Variants in CNR1 observed in about 807,000 individuals in gnomAD.
The protein encoded by CNR1 is cannabinoid receptor 1.
CNR1 carries 10 observed loss-of-function variants against 23.0 expected under a neutral mutation model. The observed-to-expected ratio is 0.43, with a 90% CI of 0.27 to 0.74. The LOEUF (loss-of-function observed/expected upper bound fraction) is 0.74, where lower values mean the gene tolerates loss of function less well. Ranked by LOEUF, CNR1 falls within the 30% of genes least tolerant of loss-of-function variation. The pLI is 0.19. For synonymous variants in CNR1, 271 were observed against 255.2 expected, an observed-to-expected ratio of 1.06 and a Z score of -0.59; for missense variants, 422 against 618.8, an observed-to-expected ratio of 0.68 and a Z score of 3.37.
Position 88,144,302 on chromosome 6 carries a change from C to T in CNR1, c.973G>A (p.Gly325Arg). Residue 325 changes from glycine (G) to arginine (R), a missense_variant, in exon 2 of 2, where the codon GGG (glycine) becomes AGG (arginine). Gly to Arg is a moderately radical substitution (Grantham distance 125). Coordinates refer to ENST00000369501, the MANE Select transcript of CNR1 (RefSeq NM_016083.6). The surrounding 1 kb of genome is among the most constrained non-coding windows in gnomAD (Gnocchi z 7.8). ...KSIIIHTSED[G>R]KVQVTRPDQA... ...TCTGGCCGGGTCACCTGTACCTTCC[C>T]ATCCTCAGACGTGTGGATGATGATG... 1 of 1,612,418 alleles carries T rather than the reference C, an allele frequency of 6.2e-7. No homozygotes were observed. Among genetic ancestry groups the T allele is most frequent in the Non-Finnish European group, 8.5e-7 (1 of 1,179,998 alleles).
intron 1 of CNR1, among the ~76,000 whole-genome samples, chr6:88,160,394 G>T (rs899845437): frequency 6.6e-6 from 1 of 150,432 alleles, no homozygotes; most frequent in African/African-American, 2.4e-5. Context: ...CATATAAGTA[G>T]AAATTTATTT....
intron 1 of CNR1, among the ~76,000 whole-genome samples, chr6:88,165,349 T>A (rs1156418374): frequency 6.6e-6 from 1 of 152,250 alleles, no homozygotes; most frequent in Non-Finnish European, 1.5e-5. Flanking sequence ...CAAAGAGAAG[T>A]GGTTCCTGTA....
At chr6:88,149,018 A>G (rs184931230) in intron 1 of CNR1, among the ~76,000 whole-genome samples, 77 of 152,264 alleles carry the variant, frequency 5.1e-4, no homozygotes, top group African/African-American at 1.8e-3. Context: ...TGCAACTGTC[A>G]TAGAATAAAG....
At position 88,139,869 on chromosome 6, in the gene CNR1, T is replaced by C. The variant is rs1312300040; in HGVS notation, c.*3987A>G. On this transcript the variant is annotated 3_prime_UTR_variant, in exon 2 of 2. Coordinates refer to ENST00000369501, the MANE Select transcript of CNR1 (RefSeq NM_016083.6). ...TAAGGCAGAGTTCAAAGGCATTTTA[T>C]GTTCTTCATGGTAATCTAGAATTTT... is the stretch of plus-strand genomic sequence containing the variant. 2 of 152,364 alleles carry C rather than the reference T, an allele frequency of 1.3e-5. No individual in the cohort carries two copies. The highest frequency in any genetic ancestry group is 4.8e-5 in the African/African-American group (2 of 41,470). 9.4% of individuals were successfully genotyped at this position (152,364 alleles called of 1,614,324 possible). A position where few individuals can be genotyped will look rare whatever the true frequency, so the allele number is the denominator to read the frequency against.
At chr6:88,162,673 C>A (rs539871724) in intron 1 of CNR1, among the ~76,000 whole-genome samples, 1 of 152,324 alleles carries the variant, frequency 6.6e-6, no homozygotes, top group African/African-American at 2.4e-5. Flanking sequence ...ATTTTGGCAA[C>A]ACAAAGTATA....
In CNR1 at chr6:88,140,193, G is replaced by A. The variant is rs79629362; in HGVS notation, c.*3663C>T. On this transcript the variant is annotated 3_prime_UTR_variant, in exon 2 of 2. Coordinates refer to ENST00000369501, the MANE Select transcript of CNR1 (RefSeq NM_016083.6). ...ATACAATATTCTTCTAAGAGGAAAAGTAATAATGTTAGATTTACAGACAAT... is the reference window on the plus strand; with the variant it reads ...ATACAATATTCTTCTAAGAGGAAAAATAATAATGTTAGATTTACAGACAAT... 1 of 152,730 alleles carries A rather than the reference G, an allele frequency of 6.5e-6. No individual in the cohort carries two copies. Among genetic ancestry groups the A allele is most frequent in the East Asian group, 1.9e-4 (1 of 5,342 alleles). 9.5% of individuals were successfully genotyped at this position (152,730 alleles called of 1,614,324 possible). A position where few individuals can be genotyped will look rare whatever the true frequency, so the allele number is the denominator to read the frequency against.
At position 88,165,987 on chromosome 6, in the gene CNR1, G is replaced by A. The variant is rs1053100813; in HGVS notation, c.-248C>T. The A allele has an allele frequency of 6.5e-6, 1 of 153,068 alleles. No individual in the cohort carries two copies. The highest frequency in any genetic ancestry group is 1.9e-4 in the East Asian group (1 of 5,268). The allele number at this position is 153,068 out of a possible 1,614,324, so 9.5% of individuals were successfully genotyped here. A position where few individuals can be genotyped will look rare whatever the true frequency, so the allele number is the denominator to read the frequency against. ...CGGGAGACAAGAAGAGGCGGAGGCGGAAAAGAAGTGGAGAAGGAAGGGGTG... is the reference window on the plus strand; with the variant it reads ...CGGGAGACAAGAAGAGGCGGAGGCGAAAAAGAAGTGGAGAAGGAAGGGGTG... On this transcript the variant is annotated 5_prime_UTR_variant, in exon 1 of 2. Transcript: ENST00000369501.
chr6:88,144,607 G>A lies in CNR1; in HGVS notation c.668C>T (p.Ala223Val). The A allele has an allele frequency of 6.2e-7, 1 of 1,614,236 alleles. No individual in the cohort carries two copies. Among genetic ancestry groups the A allele is most frequent in the Non-Finnish European group, 8.5e-7 (1 of 1,180,052 alleles). Residue 223 changes from alanine (A) to valine (V), a missense_variant, in exon 2 of 2, where the codon GCC becomes GTC. Transcript: ENST00000369501. The surrounding 1 kb of genome is among the most constrained non-coding windows in gnomAD (Gnocchi z 7.8). ...DRYISIHRPLAYKRIVTRPKA... is the reference protein window; with the variant it reads ...DRYISIHRPLVYKRIVTRPKA... ...GGGCCTGGTGACAATCCTCTTATAG[G>A]CCAGGGGCCTGTGAATGGATATGTA...
At position 88,166,323 on chromosome 6, in the gene CNR1, C is replaced by G. The variant is rs988698134; in HGVS notation, c.-584G>C. Reference sequence around the variant, plus strand: ...CTCGTCCCGCTCGCGCAGTCCCTGCCGCTCCCTCCGCTCGCGCTGTCTCTG... The same window carrying G: ...CTCGTCCCGCTCGCGCAGTCCCTGCGGCTCCCTCCGCTCGCGCTGTCTCTG... On this transcript the variant is annotated 5_prime_UTR_variant, in exon 1 of 2. Coordinates refer to ENST00000369501, the MANE Select transcript of CNR1 (RefSeq NM_016083.6). 2 of 152,356 alleles carry G rather than the reference C, an allele frequency of 1.3e-5. No individual in the cohort carries two copies. The highest frequency in any genetic ancestry group is 2.4e-5 in the African/African-American group (1 of 41,438). The allele number at this position is 152,356 out of a possible 1,614,324, so 9.4% of individuals were successfully genotyped here.
chr6:88,159,580 T>C (rs1199807907), intron 1 of CNR1, among the ~76,000 whole-genome samples: 1 of 152,226 alleles, frequency 6.6e-6, no homozygotes, highest in Non-Finnish European at 1.5e-5. Flanking sequence ...AATTCAAAGA[T>C]TTCTCCTTTT....
Position 88,145,229 on chromosome 6 carries a change from T to C in CNR1, c.46A>G (p.Ile16Val). ...DGLADTTFRTITTDLLYVGSN... is the reference protein window; with the variant it reads ...DGLADTTFRTVTTDLLYVGSN... ...CCCACGTACAGGAGGTCAGTGGTGA[T>C]GGTGCGGAAGGTGGTATCTGCAAGG... The change falls in exon 2 of 2, where the codon ATC (isoleucine) becomes GTC (valine). Residue 16 changes from isoleucine to valine, a missense_variant. Physicochemically the swap from Ile to Val is conservative, Grantham distance 29. Around this residue, in one of 4 missense-constraint regions of CNR1, gnomAD observed 120 missense variants for 117.6 expected, o/e 1.02. Transcript: ENST00000369501. 1.9e-6 allele frequency: 3 copies of C among 1,614,094 alleles called. No individual in the cohort carries two copies. Among genetic ancestry groups the C allele is most frequent in the Non-Finnish European group, 2.5e-6 (3 of 1,179,986 alleles).
intron 1 of CNR1, among the ~76,000 whole-genome samples, chr6:88,148,349 C>G (rs1777321460): frequency 6.6e-6 from 1 of 152,214 alleles, no homozygotes; most frequent in Non-Finnish European, 1.5e-5. Flanking sequence ...TCCACTACTT[C>G]CTCCCACCCA....
upstream of CNR1, chr6:88,166,465 G>A (rs892253572): frequency 2.6e-5 from 4 of 152,574 alleles, no homozygotes; most frequent in African/African-American, 7.2e-5. Context: ...TGCGCGGGGA[G>A]GGACCTGAGC....
intron 1 of CNR1, among the ~76,000 whole-genome samples, chr6:88,165,539 A>G (rs1778325210): frequency 6.6e-6 from 1 of 152,210 alleles, no homozygotes; most frequent in South Asian, 2.1e-4. Context: ...AAACATGCAC[A>G]ATTACCCATT....
At chr6:88,152,450 CTTACT>C (rs1490028289) in intron 1 of CNR1, among the ~76,000 whole-genome samples, 1 of 152,140 alleles carries the variant, frequency 6.6e-6, no homozygotes, top group East Asian at 1.9e-4. Context: ...GTTTCTGTGA[CTTACT>C]TTAGATTAAG....
At chr6:88,161,729 T>C (rs150190713) in intron 1 of CNR1, among the ~76,000 whole-genome samples, 1,634 of 152,318 alleles carry the variant, frequency 0.011, 45 homozygotes, top group African/African-American at 0.037. Flanking sequence ...AAGTTTGAGA[T>C]GGAAGTTGCT....
At chr6:88,156,852 G>A (rs1414351319) in intron 1 of CNR1, among the ~76,000 whole-genome samples, 2 of 152,186 alleles carry the variant, frequency 1.3e-5, no homozygotes, top group Non-Finnish European at 2.9e-5. Context: ...CTGATCATGA[G>A]GGCATTAAAC....
At chr6:88,161,124 T>C (rs140411687) in intron 1 of CNR1, among the ~76,000 whole-genome samples, 27 of 152,274 alleles carry the variant, frequency 1.8e-4, no homozygotes, top group Non-Finnish European at 3.1e-4. Context: ...AATAGCACAA[T>C]GGGTTAAAAA....
At position 88,160,409 on chromosome 6, in the gene CNR1, C is replaced by G. The variant is rs186688114; in HGVS notation, c.-64+5394G>C. The stretch of plus-strand genomic sequence containing the variant: ...CATATAAGTAGAAATTTATTTAAAA[C>G]AAACTTAAAAAATTTTTTTTCTTTT... On this transcript the variant is annotated intron_variant, in intron 1 of 1. Transcript: ENST00000369501. Among the ~76,000 whole-genome samples the G allele has an allele frequency of 4.6e-3, 696 of 150,478 alleles. 3 individuals are homozygous for G. The highest frequency in any genetic ancestry group is 0.016 in the African/African-American group (670 of 41,040).
Sources: allele counts gnomAD v4.1 joint callset (sites outside exome capture counted in the v4.1 genomes callset), GRCh38; gene constraint gnomAD v4.1.1; regional missense constraint gnomAD v4.1.1; non-coding constraint Gnocchi (gnomAD v3.1); transcripts MANE v1.5; gene names NCBI Gene and HGNC (gene_info 2026-07-23, HGNC 2026-07-21).